Variants in GLI2 observed in about 807,000 individuals in gnomAD.
The protein encoded by GLI2 is GLI family zinc finger 2, also known as transcription activator GLI2.
Under a neutral mutation model 78.9 loss-of-function variants are expected in GLI2, and 22 were observed. The observed-to-expected ratio is 0.28, with a 90% CI of 0.20 to 0.40. The LOEUF is 0.40. GLI2 is among the 10% of genes least tolerant of loss of function. GLI2 has a pLI of 1.00. For synonymous variants in GLI2, 974 were observed against 963.7 expected (o/e 1.01, Z -0.20); for missense variants, 2,097 against 2,213.2 (o/e 0.95, Z 1.05).
At chr2:120,829,069 C>T (rs1304311751) in intron 2 of GLI2, among the ~76,000 whole-genome samples, 1 of 143,770 alleles carries the variant, frequency 7.0e-6, no homozygotes, top group East Asian at 2.1e-4. Context: ...CACACGTACG[C>T]ATGCATGCAC....
At position 120,989,713 on chromosome 2, in the gene GLI2, C is replaced by G; in HGVS notation, c.3748C>G (p.Pro1250Ala). 1.9e-6 allele frequency: 3 copies of G among 1,613,268 alleles called. No homozygotes were observed. Among genetic ancestry groups the G allele is most frequent in the Non-Finnish European group, 2.5e-6 (3 of 1,179,988 alleles). ...STISGALNQF[P>A]QSCSNMPAKP... is the part of the protein sequence containing the mutation. ...CATCAGTGGGGCCCTCAACCAGTTC[C>G]CCCAATCCTGCAGCAACATGCCAGC... The change falls in exon 14 of 14, where the codon CCC (proline) becomes GCC (alanine). Residue 1250 changes from proline (P) to alanine (A), a missense_variant. Pro to Ala is a conservative substitution (Grantham distance 27). This residue lies in a region of GLI2 where 1,290 missense variants were observed against 1,261.7 expected (regional missense o/e 1.02). Coordinates refer to ENST00000361492, the MANE Select transcript of GLI2 (RefSeq NM_001374353.1).
At chr2:120,923,538 C>G (rs13018601) in intron 2 of GLI2, among the ~76,000 whole-genome samples, 122,754 of 152,036 alleles carry the variant, frequency 0.81, 53,098 homozygotes, top group East Asian at 1. Flanking sequence ...CATATGCACA[C>G]AGCAACACAC....
At chr2:120,967,284 G>A (rs915058643) in intron 5 of GLI2, among the ~76,000 whole-genome samples, 10 of 152,230 alleles carry the variant, frequency 6.6e-5, no homozygotes, top group African/African-American at 2.4e-4. Context: ...CCATGGGCCA[G>A]GTGCTTCTCA....
At chr2:120,867,476 C>T (rs1688197340) in intron 2 of GLI2, 1 of 152,380 alleles carries the variant, frequency 6.6e-6, no homozygotes. Context: ...TTGATGTTCC[C>T]TGCGCTCCAG....
At chr2:120,907,441 G>C (rs1000162758) in intron 2 of GLI2, among the ~76,000 whole-genome samples, 2 of 152,170 alleles carry the variant, frequency 1.3e-5, no homozygotes, top group Admixed American at 1.3e-4. Context: ...TGGGGCTCTG[G>C]GTGGCAATGG....
intron 2 of GLI2, among the ~76,000 whole-genome samples, chr2:120,912,932 C>T (rs975488877): frequency 3.3e-5 from 5 of 152,146 alleles, no homozygotes; most frequent in South Asian, 2.1e-4. Context: ...GGCGGGGCAC[C>T]GGCCTCACCC....
At chr2:120,766,233 C>T (rs1683362353) in intron 1 of GLI2, among the ~76,000 whole-genome samples, 1 of 152,238 alleles carries the variant, frequency 6.6e-6, no homozygotes, top group Non-Finnish European at 1.5e-5. Context: ...AGTTTGGACA[C>T]ATCAGTCTCT....
At chr2:120,828,861 C>CAAAAAAAAAAA (rs3053863) in intron 2 of GLI2, among the ~76,000 whole-genome samples, 23 of 125,970 alleles carry the variant, frequency 1.8e-4, no homozygotes, top group Non-Finnish European at 3.4e-4. Context: ...CTTCCAACTC[C>CAAAAAAAAAAA]AAAAAAAAAA....
At chr2:120,756,553 A>G (rs1246483488) in intron 1 of GLI2, among the ~76,000 whole-genome samples, 2 of 152,128 alleles carry the variant, frequency 1.3e-5, no homozygotes, top group Non-Finnish European at 2.9e-5. Context: ...TGTTGCCTAG[A>G]GGTAGTGAGA....
chr2:120,808,640 C>T (rs535530891), intron 2 of GLI2, among the ~76,000 whole-genome samples: 14 of 152,310 alleles, frequency 9.2e-5, no homozygotes, highest in East Asian at 5.8e-4. Flanking sequence ...TGGCCCTCTA[C>T]GCCATGTTGG....
At chr2:120,952,417 C>T (rs1254832638) in intron 4 of GLI2, among the ~76,000 whole-genome samples, 1 of 152,218 alleles carries the variant, frequency 6.6e-6, no homozygotes, top group East Asian at 1.9e-4. Flanking sequence ...GGAATGCATC[C>T]TCTTCCAACT....
At chr2:120,856,561 G>A (rs748603879) in intron 2 of GLI2, among the ~76,000 whole-genome samples, 32 of 152,238 alleles carry the variant, frequency 2.1e-4, no homozygotes, top group Middle Eastern at 3.4e-3. Context: ...TGCAGTGTCC[G>A]GACCTGGCTT....
chr2:120,880,004 C>A (rs1379645674), intron 2 of GLI2, among the ~76,000 whole-genome samples: 4 of 152,166 alleles, frequency 2.6e-5, no homozygotes, highest in Non-Finnish European at 5.9e-5. Context: ...ATGCTAGAGA[C>A]GAGGGTAGGA....
At position 120,771,423 on chromosome 2, in the gene GLI2, TG is replaced by T. The variant is rs537878760; in HGVS notation, c.-30-25866del. On this transcript the variant is annotated intron_variant, in intron 1 of 13. Coordinates refer to ENST00000361492, the MANE Select transcript of GLI2 (RefSeq NM_001374353.1). ...TTGGCCTCCGCATCTGTAAAATGACTGGTGAGGCTGGCTGTTTTCCAAGCGT... is the reference window on the plus strand; with the variant it reads ...TTGGCCTCCGCATCTGTAAAATGACTGTGAGGCTGGCTGTTTTCCAAGCGT... Among the ~76,000 whole-genome samples, 894 of 152,380 alleles carry T rather than the reference TG, an allele frequency of 5.9e-3. 6 individuals carry two copies. Among genetic ancestry groups the T allele is most frequent in the African/African-American group, 0.02 (836 of 41,588 alleles).
intron 2 of GLI2, among the ~76,000 whole-genome samples, chr2:120,851,504 C>T (rs1022677213): frequency 6.6e-6 from 1 of 152,246 alleles, no homozygotes; most frequent in Non-Finnish European, 1.5e-5. Context: ...AAGGCTTTGT[C>T]AAGGCTGCTG....
intron 1 of GLI2, among the ~76,000 whole-genome samples, chr2:120,796,970 CAG>C (rs1458729878): frequency 6.6e-6 from 1 of 152,170 alleles, no homozygotes; most frequent in East Asian, 1.9e-4. Flanking sequence ...GATTCACAGA[CAG>C]AGGTCATTGT....
At chr2:120,978,677 A>G (rs932297847) in intron 10 of GLI2, 94 bp downstream of exon 10, 5 of 1,378,348 alleles carry the variant, frequency 3.6e-6, no homozygotes, top group Non-Finnish European at 5.0e-6. Flanking sequence ...GGCCACAGGC[A>G]CACCTGGGTG....
intron 2 of GLI2, among the ~76,000 whole-genome samples, chr2:120,859,925 T>C: frequency 6.6e-6 from 1 of 152,220 alleles, no homozygotes; most frequent in East Asian, 1.9e-4. Flanking sequence ...AGTGCTGCGA[T>C]GACAGGCGTG....
chr2:120,833,507 C>G (rs1271309893), intron 2 of GLI2, among the ~76,000 whole-genome samples: 2 of 152,320 alleles, frequency 1.3e-5, no homozygotes. Flanking sequence ...ACCTGTTTCC[C>G]CATCTAGAGC....
Sources: gnomAD v4.1 joint callset for allele counts (sites outside exome capture counted in the v4.1 genomes callset) on GRCh38, gnomAD v4.1.1 for gene constraint, gnomAD v4.1.1 regional missense constraint, MANE v1.5 for transcripts, NCBI Gene and HGNC (gene_info 2026-07-23, HGNC 2026-07-21) for gene names.